Variants in TBC1D5 observed in about 807,000 individuals in gnomAD.
TBC1D5 encodes the protein TBC1 domain family member 5.
Under a neutral mutation model 100.3 loss-of-function variants are expected in TBC1D5, and 75 were observed. The observed-to-expected ratio is 0.75, with a 90% confidence interval of 0.62 to 0.91. The LOEUF (loss-of-function observed/expected upper bound fraction) is 0.91, where lower values mean the gene tolerates loss of function less well. Ranked by LOEUF, TBC1D5 falls within the 40% of genes least tolerant of loss-of-function variation. The pLI is 0.00. For missense variants in TBC1D5, 910 were observed against 942.4 expected, an observed-to-expected ratio of 0.97 and a Z score of 0.45; for synonymous variants, 323 against 325.6, an observed-to-expected ratio of 0.99 and a Z score of 0.09.
chr3:17,157,473 G>T (rs1278600781), exon 22 of TBC1D5: 5 of 152,380 alleles, frequency 3.3e-5, no homozygotes, highest in Admixed American at 3.3e-4. Flanking sequence ...CTTTGAGAAG[G>T]AAGCCTGGCT....
intron 1 of TBC1D5, among the ~76,000 whole-genome samples, chr3:17,662,618 T>C (rs2066774713): frequency 6.6e-6 from 1 of 152,050 alleles, no homozygotes; most frequent in Non-Finnish European, 1.5e-5. Flanking sequence ...CTTTACTCTT[T>C]TAATTTGAAT....
At chr3:17,190,944 G>C (rs1304945986) in intron 18 of TBC1D5, among the ~76,000 whole-genome samples, 1 of 152,178 alleles carries the variant, frequency 6.6e-6, no homozygotes, top group East Asian at 1.9e-4. Context: ...AAGTCTCAAG[G>C]AGAAAAAGTG....
chr3:17,650,560 G>A (rs1187825921), intron 1 of TBC1D5, among the ~76,000 whole-genome samples: 3 of 152,056 alleles, frequency 2.0e-5, no homozygotes, highest in Non-Finnish European at 2.9e-5. Flanking sequence ...TCAGACAGAA[G>A]AGAAACCAGA....
At chr3:17,220,017 T>G (rs910079042) in intron 17 of TBC1D5, among the ~76,000 whole-genome samples, 3 of 152,114 alleles carry the variant, frequency 2.0e-5, no homozygotes, top group Non-Finnish European at 4.4e-5. Flanking sequence ...TGTCCTCTTT[T>G]TAAGAGCTGT....
chr3:17,261,467 TG>T (rs1470869833), intron 15 of TBC1D5, among the ~76,000 whole-genome samples: 1 of 5,466 alleles, frequency 1.8e-4, no homozygotes. Context: ...GCTCCTTTTT[TG>T]GGGGGTGGGG....
At chr3:17,530,944 C>G (rs561896298) in intron 2 of TBC1D5, among the ~76,000 whole-genome samples, 202 of 152,204 alleles carry the variant, frequency 1.3e-3, no homozygotes, top group Non-Finnish European at 2.5e-3. Flanking sequence ...TGCCCTCTCT[C>G]ACCACTCTTA....
chr3:17,482,589 G>C (rs997456648), intron 3 of TBC1D5, among the ~76,000 whole-genome samples: 1 of 152,138 alleles, frequency 6.6e-6, no homozygotes, highest in Non-Finnish European at 1.5e-5. Flanking sequence ...ATTCGTTTGA[G>C]TGTCCAGAAA....
At chr3:17,576,212 A>G (rs1576798686) in intron 2 of TBC1D5, among the ~76,000 whole-genome samples, 2 of 152,092 alleles carry the variant, frequency 1.3e-5, no homozygotes, top group African/African-American at 4.8e-5. Flanking sequence ...ATTGATCTCT[A>G]CAAGAAATAC....
chr3:17,662,893 TA>T (rs1452490490), intron 1 of TBC1D5: 1 of 152,180 alleles, frequency 6.6e-6, no homozygotes, highest in Non-Finnish European at 1.5e-5. Context: ...CACATACATA[TA>T]CTTGTATGTG....
In TBC1D5 at chr3:17,233,628, C is replaced by G. The variant is rs905484002; in HGVS notation, c.1588+4535G>C. 7 of 1,002,318 alleles carry G rather than the reference C, an allele frequency of 7.0e-6. No homozygotes were observed. In the African/African-American group the frequency reaches 1.2e-4, roughly 17 times the overall value. The allele number at this position is 1,002,318 out of a possible 1,614,324, so 62.1% of individuals were successfully genotyped here. On this transcript the variant is annotated intron_variant, in intron 17 of 21. Coordinates refer to ENST00000253692, the Ensembl canonical transcript of TBC1D5. ...AAGAAAAATGGAGTTTTGGAGTAGG[C>G]AATGATAATACTGTAGGCAAAGAAA...
intron 2 of TBC1D5, among the ~76,000 whole-genome samples, chr3:17,601,046 A>G (rs200546186): frequency 1.5e-3 from 224 of 152,330 alleles, no homozygotes; most frequent in African/African-American, 5.3e-3. Context: ...AGGACCACCC[A>G]TAAGTGAATA....
Position 17,694,126 on chromosome 3 carries a change from C to G in TBC1D5, c.-101+45217G>C, listed in dbSNP as rs188552154. ...CAAAGACCAAAGGTGGATAAAATCACAAAGATGGGGAGAAACCAGAGCAGA... is the reference window on the plus strand; with the variant it reads ...CAAAGACCAAAGGTGGATAAAATCAGAAAGATGGGGAGAAACCAGAGCAGA... On this transcript the variant is annotated intron_variant, in intron 1 of 21. Transcript: ENST00000253692. Among the ~76,000 whole-genome samples, 890 of 152,328 alleles carry G rather than the reference C, an allele frequency of 5.8e-3. 7 individuals are homozygous for G. The highest frequency in any genetic ancestry group is 0.013 in the Admixed American group (206 of 15,304).
At chr3:17,422,859 A>G (rs2094246714) in intron 4 of TBC1D5, among the ~76,000 whole-genome samples, 1 of 152,188 alleles carries the variant, frequency 6.6e-6, no homozygotes, top group Non-Finnish European at 1.5e-5. Flanking sequence ...TACATACAAA[A>G]TTATTGATTA....
chr3:17,629,790 A>T (rs1004913754), intron 1 of TBC1D5, among the ~76,000 whole-genome samples: 4 of 152,212 alleles, frequency 2.6e-5, no homozygotes. Flanking sequence ...CAAGGAACTG[A>T]ATTTTGCCAA....
Position 17,330,200 on chromosome 3 carries a change from A to T in TBC1D5, c.996-22066T>A, listed in dbSNP as rs147235863. Among the ~76,000 whole-genome samples the T allele has an allele frequency of 2.9e-3, 447 of 152,188 alleles. 9 individuals carry two copies. Among genetic ancestry groups the T allele is most frequent in the Non-Finnish European group, 9.4e-4 (64 of 68,000 alleles). Reference sequence around the variant, plus strand: ...CTCCATTTTCTTCCCTGACCAGTTAAAAGTCTATAGTCTATTACTTGAAAC... The same window carrying T: ...CTCCATTTTCTTCCCTGACCAGTTATAAGTCTATAGTCTATTACTTGAAAC... On this transcript the variant is annotated intron_variant, in intron 13 of 21. Coordinates refer to ENST00000253692, the Ensembl canonical transcript of TBC1D5.
Position 17,362,352 on chromosome 3 carries a change from C to T in TBC1D5, c.995+9723G>A, listed in dbSNP as rs532940592. 1.6e-3 allele frequency among the ~76,000 whole-genome samples: 239 copies of T among 152,180 alleles called. 1 individual carries two copies. Among genetic ancestry groups the T allele is most frequent in the Middle Eastern group, 3.4e-3 (1 of 294 alleles). On this transcript the variant is annotated intron_variant, in intron 13 of 21. Transcript: ENST00000253692. The stretch of plus-strand genomic sequence containing the variant: ...AAATGACAAGTTTCAGATTGGGGGA[C>T]AATTTGCAAATGCAAATCTCAAATG...
chr3:17,724,632 T>C (rs537641048), intron 1 of TBC1D5, among the ~76,000 whole-genome samples: 3 of 152,356 alleles, frequency 2.0e-5, no homozygotes, highest in Admixed American at 2.0e-4. Flanking sequence ...TCTCAGCTTC[T>C]CAAATTTGTC....
chr3:17,594,329 T>C (rs976585380), intron 2 of TBC1D5, among the ~76,000 whole-genome samples: 8 of 152,134 alleles, frequency 5.3e-5, no homozygotes, highest in Non-Finnish European at 1.2e-4. Context: ...TTAAGGTCAA[T>C]GGGAAACAGC....
intron 15 of TBC1D5, among the ~76,000 whole-genome samples, chr3:17,274,962 C>T (rs1282275234): frequency 6.6e-6 from 1 of 152,108 alleles, no homozygotes; most frequent in Admixed American, 6.5e-5. Flanking sequence ...TGAAGATAAA[C>T]TTGAAGGGGC....
Sources: gnomAD v4.1 joint callset for allele counts (sites outside exome capture counted in the v4.1 genomes callset) on GRCh38, gnomAD v4.1.1 for gene constraint, MANE v1.5 for transcripts, NCBI Gene and HGNC (gene_info 2026-07-23, HGNC 2026-07-21) for gene names.